The following RFPL1 variants were observed in gnomAD, a reference collection of about 807,000 sequenced individuals.
RFPL1 encodes the protein ret finger protein like 1.
A neutral mutation model predicts 9.6 loss-of-function variants in RFPL1; 6 were observed. That is an observed-to-expected ratio of 0.62 (90% CI 0.34 to 1.23). The LOEUF (loss-of-function observed/expected upper bound fraction) is 1.23, where lower values mean the gene tolerates loss of function less well. Among genes scored for constraint, RFPL1 ranks in the 50% most tolerant of loss-of-function variants. RFPL1 has a pLI of 0.03. For synonymous variants in RFPL1, 145 were observed against 149.4 expected (o/e 0.97, Z 0.22); for missense variants, 352 against 398.4 (o/e 0.88, Z 0.99).
chr22:29,397,537 A>G, the RFPL1 span, among the ~76,000 whole-genome samples: 1 of 148,688 alleles, frequency 6.7e-6, no homozygotes, highest in African/African-American at 2.6e-5. Context: ...CTGCCGACCG[A>G]TGGGCCAAAC....
chr22:29,394,067 C>T, the RFPL1 span, among the ~76,000 whole-genome samples: 1 of 152,154 alleles, frequency 6.6e-6, no homozygotes, highest in African/African-American at 2.4e-5. Flanking sequence ...GCTTTGGCCT[C>T]CAAAGTTCTG....
At chr22:29,412,934 A>G in the RFPL1 span, among the ~76,000 whole-genome samples, 1 of 151,984 alleles carries the variant, frequency 6.6e-6, no homozygotes, top group South Asian at 2.1e-4. Flanking sequence ...ATGCTCTTCC[A>G]CTGGGTGCAA....
chr22:29,415,161 T>C, the RFPL1 span, among the ~76,000 whole-genome samples: 1 of 149,764 alleles, frequency 6.7e-6, no homozygotes, highest in East Asian at 2.0e-4. Flanking sequence ...AGACCGGTCC[T>C]GTCAAGCAGC....
the RFPL1 span, among the ~76,000 whole-genome samples, chr22:29,394,999 C>T: frequency 6.6e-6 from 1 of 152,196 alleles, no homozygotes; most frequent in East Asian, 1.9e-4. Flanking sequence ...GTGACCCCTG[C>T]CACTGGCATT....
At chr22:29,393,700 G>C in the RFPL1 span, among the ~76,000 whole-genome samples, 2 of 152,152 alleles carry the variant, frequency 1.3e-5, no homozygotes, top group Admixed American at 6.5e-5. Flanking sequence ...GAGAGAGAGA[G>C]AGAGGGCGCT....
chr22:29,441,670 T>A, exon 2 of RFPL1: 1 of 1,613,936 alleles, frequency 6.2e-7, no homozygotes, highest in Non-Finnish European at 8.5e-7. Context: ...CGTGTCCATT[T>A]GCATCCTGGG....
the RFPL1 span, among the ~76,000 whole-genome samples, chr22:29,399,704 T>A: frequency 6.6e-6 from 1 of 152,242 alleles, no homozygotes. Context: ...TTTCCTCCTG[T>A]GATAACACTC....
the RFPL1 span, among the ~76,000 whole-genome samples, chr22:29,395,027 T>C: frequency 6.6e-6 from 1 of 152,144 alleles, no homozygotes; most frequent in African/African-American, 2.4e-5. Flanking sequence ...CCTCAGCAAG[T>C]CCCTTCCCCT....
chr22:29,420,709 C>T, the RFPL1 span, among the ~76,000 whole-genome samples: 8 of 136,768 alleles, frequency 5.8e-5, no homozygotes, highest in East Asian at 4.8e-4. Flanking sequence ...GGTGCGATCT[C>T]GGCTCACCAC....
upstream of RFPL1, chr22:29,437,702 G>A (rs185623576): frequency 1.1e-5 from 18 of 1,585,194 alleles, no homozygotes; most frequent in African/African-American, 1.9e-4. Flanking sequence ...GGAAGCAGCT[G>A]GAGGACAGAG....
At chr22:29,431,747 G>T in the RFPL1 span, among the ~76,000 whole-genome samples, 1 of 150,734 alleles carries the variant, frequency 6.6e-6, no homozygotes, top group Admixed American at 6.6e-5. Context: ...GTGCAGTGGT[G>T]CGATCTCAGC....
the RFPL1 span, among the ~76,000 whole-genome samples, chr22:29,410,506 G>A: frequency 4.7e-5 from 3 of 63,648 alleles, no homozygotes; most frequent in Non-Finnish European, 7.5e-5. Flanking sequence ...TCTATATATA[G>A]AGAGATATAT....
the RFPL1 span, among the ~76,000 whole-genome samples, chr22:29,405,208 G>A: frequency 2.0e-5 from 3 of 152,144 alleles, no homozygotes; most frequent in African/African-American, 7.2e-5. Context: ...GGATTGCTTT[G>A]GAAGCCAGAA....
chr22:29,397,578 A>G, the RFPL1 span, among the ~76,000 whole-genome samples: 1 of 152,166 alleles, frequency 6.6e-6, no homozygotes, highest in Non-Finnish European at 1.5e-5. Flanking sequence ...ATTGGACCTA[A>G]AAACCAGATC....
chr22:29,424,665 A>C, the RFPL1 span, among the ~76,000 whole-genome samples: 1 of 150,730 alleles, frequency 6.6e-6, no homozygotes, highest in South Asian at 2.1e-4. Context: ...GTAAAAAAAA[A>C]AAAAAAAAAA....
the RFPL1 span, among the ~76,000 whole-genome samples, chr22:29,423,771 C>T: frequency 6.3e-3 from 953 of 152,328 alleles, 14 homozygotes; most frequent in African/African-American, 0.022. Flanking sequence ...CTTCTCTAAG[C>T]TGCTAAAACA....
chr22:29,440,071 G>A (rs1809972416), intron 1 of RFPL1: 2 of 152,116 alleles, frequency 1.3e-5, no homozygotes, highest in Admixed American at 1.3e-4. Flanking sequence ...TGGGGAATAG[G>A]GACATTTAAA....
In RFPL1 at chr22:29,442,122, A is replaced by C. The variant is rs556553432; in HGVS notation, c.954A>C (p.Ter318TyrextTer11). ...CAGTCCATCCTGGGGAGGCCAAATA[A>C]GCCCCCACTGCAAAAAAACAAAAAA... Residue 318 changes from the stop codon to tyrosine (Y), a stop_lost, in exon 2 of 2, where the codon TAA becomes TAC. Coordinates refer to ENST00000354373, the Ensembl canonical transcript of RFPL1. 14 of 1,525,306 alleles carry C rather than the reference A, an allele frequency of 9.2e-6. No homozygotes were observed. In the African/African-American group the frequency reaches 1.8e-4, roughly 20 times the overall value. The allele number at this position is 1,525,306 out of a possible 1,614,324, so 94.5% of individuals were successfully genotyped here.
chr22:29,401,344 C>T, the RFPL1 span, among the ~76,000 whole-genome samples: 2 of 152,172 alleles, frequency 1.3e-5, no homozygotes, highest in African/African-American at 4.8e-5. Context: ...CTTTTGAAAA[C>T]ATGAGTTGGG....
Sources: allele counts gnomAD v4.1 joint callset (sites outside exome capture counted in the v4.1 genomes callset), GRCh38; gene constraint gnomAD v4.1.1; transcripts MANE v1.5; gene names NCBI Gene and HGNC (gene_info 2026-07-23, HGNC 2026-07-21).